The following TNS3 variants were observed in gnomAD, a reference collection of about 807,000 sequenced individuals.
The protein encoded by TNS3 is tensin 3, also known as tensin-3.
TNS3 carries 45 observed loss-of-function variants against 140.9 expected under a neutral mutation model. The ratio of observed to expected loss-of-function variants is 0.32; its 90% CI spans 0.25 to 0.41. The LOEUF is 0.41. TNS3 is among the 10% of genes least tolerant of loss of function. TNS3 has a pLI of 1.00. For synonymous variants in TNS3, 815 were observed against 788.4 expected (o/e 1.03, Z -0.56); for missense variants, 1,716 against 1,906.7 (o/e 0.90, Z 1.86).
chr7:47,376,598 T>C (rs1484135073), intron 16 of TNS3, among the ~76,000 whole-genome samples: 1 of 151,940 alleles, frequency 6.6e-6, no homozygotes, highest in African/African-American at 2.4e-5. Flanking sequence ...ACATTAACGA[T>C]TTTTTTTACA....
intron 2 of TNS3, among the ~76,000 whole-genome samples, chr7:47,526,360 G>A (rs1279986421): frequency 1.3e-5 from 2 of 152,222 alleles, no homozygotes; most frequent in Non-Finnish European, 2.9e-5. Context: ...GTGTGGTGCA[G>A]AGGCTAACCA....
At chr7:47,521,644 C>G (rs936994873) in intron 2 of TNS3, among the ~76,000 whole-genome samples, 5 of 152,198 alleles carry the variant, frequency 3.3e-5, no homozygotes, top group South Asian at 2.1e-4. Context: ...TTCCTGAGGA[C>G]CTGGTGCTTG....
At chr7:47,473,637 G>A (rs1797048283) in intron 4 of TNS3, among the ~76,000 whole-genome samples, 1 of 152,274 alleles carries the variant, frequency 6.6e-6, no homozygotes, top group African/African-American at 2.4e-5. Flanking sequence ...TGGGCCGTGA[G>A]GACAAGAAAT....
At chr7:47,446,592 A>G (rs1160271715) in intron 4 of TNS3, among the ~76,000 whole-genome samples, 1 of 151,996 alleles carries the variant, frequency 6.6e-6, no homozygotes, top group African/African-American at 2.4e-5. Context: ...CAACACCCAA[A>G]TAAGAGAAAG....
intron 20 of TNS3, among the ~76,000 whole-genome samples, chr7:47,306,170 T>C (rs1476437946): frequency 1.3e-5 from 2 of 152,194 alleles, no homozygotes; most frequent in Non-Finnish European, 2.9e-5. Context: ...CAACAGCATA[T>C]GTGATTTCTG....
In TNS3 at chr7:47,389,066, GA is replaced by G. The variant is rs1562674988; in HGVS notation, c.1024+7733del. ...AGAAGAAGAAGAAGAAGAAGAAGAA[GA>G]AGAAGAAGAAGAAGAAGAGGAAGAG... On this transcript the variant is annotated intron_variant, in intron 16 of 30. Transcript: ENST00000311160. 3.9e-4 allele frequency among the ~76,000 whole-genome samples: 30 copies of G among 76,892 alleles called. 4 individuals carry two copies. The highest frequency in any genetic ancestry group is 1.7e-3 in the African/African-American group (27 of 16,338). The allele number at this position is 76,892 out of a possible 152,430, so 50.4% of individuals were successfully genotyped here.
chr7:47,282,291 CT>C (rs1438901740), intron 28 of TNS3, among the ~76,000 whole-genome samples: 2 of 151,740 alleles, frequency 1.3e-5, no homozygotes, highest in Admixed American at 6.6e-5. Context: ...AGCCATGCCC[CT>C]GACCCTGAGT....
chr7:47,362,628 C>T lies in TNS3; in HGVS notation c.2281+5737G>A, dbSNP rs888076983. Among the ~76,000 whole-genome samples the T allele has an allele frequency of 5.3e-5, 8 of 152,158 alleles. No individual in the cohort carries two copies. In the South Asian group the frequency reaches 6.2e-4, roughly 12 times the overall value. ...AGTCAGAGAGACGAGAGCTCTGTTA[C>T]GTGTCCTGGTGAAATGAAGGTACCT... is the stretch of plus-strand genomic sequence containing the variant. On this transcript the variant is annotated intron_variant, in intron 17 of 30. Coordinates refer to ENST00000311160, the MANE Select transcript of TNS3 (RefSeq NM_022748.12).
intron 2 of TNS3, among the ~76,000 whole-genome samples, chr7:47,507,261 G>A (rs1798452238): frequency 6.6e-6 from 1 of 152,158 alleles, no homozygotes; most frequent in Admixed American, 6.5e-5. Flanking sequence ...GGTTTTTCAA[G>A]GGGTATGTAC....
intron 20 of TNS3, 113 bp downstream of exon 20, chr7:47,344,642 A>G (rs1789214126): frequency 3.0e-6 from 3 of 986,624 alleles, no homozygotes; most frequent in Non-Finnish European, 4.5e-6. Flanking sequence ...GGCTTCTGAG[A>G]TACGACACAA....
intron 2 of TNS3, among the ~76,000 whole-genome samples, chr7:47,510,845 G>A (rs1237166247): frequency 1.5e-5 from 2 of 135,212 alleles, no homozygotes; most frequent in South Asian, 2.6e-4. Flanking sequence ...CTGGGTGACA[G>A]AGTAAGACTG....
rs1584761280 is a variant in TNS3, at chr7:47,489,165, C to CAATTAAA, written c.-114-8025_-114-8024insTTTAATT. Reference sequence around the variant, plus strand: ...TCTAATCCCCATGAGAAAACACCCGCCCGGCAGACGCAATTAAACCTTCTC... The same window carrying CAATTAAA: ...TCTAATCCCCATGAGAAAACACCCGCAATTAAACCGGCAGACGCAATTAAACCTTCTC... On this transcript the variant is annotated intron_variant, in intron 3 of 30. Coordinates refer to ENST00000311160, the MANE Select transcript of TNS3 (RefSeq NM_022748.12). Among the ~76,000 whole-genome samples, 3 of 152,284 alleles carry CAATTAAA rather than the reference C, an allele frequency of 2.0e-5. No homozygotes were observed. In the East Asian group the frequency reaches 5.8e-4, roughly 29 times the overall value.
chr7:47,528,421 G>A (rs934330655), intron 2 of TNS3, among the ~76,000 whole-genome samples: 6 of 152,084 alleles, frequency 3.9e-5, no homozygotes, highest in African/African-American at 1.2e-4. Context: ...AGCAGCCCCC[G>A]CACTCTCCAA....
chr7:47,282,928 G>T (rs1320143712), intron 28 of TNS3, among the ~76,000 whole-genome samples: 1 of 152,100 alleles, frequency 6.6e-6, no homozygotes, highest in African/African-American at 2.4e-5. Flanking sequence ...AGGCATGGGG[G>T]CCCTGCTCGG....
At chr7:47,504,950 T>C (rs1160347673) in intron 3 of TNS3, among the ~76,000 whole-genome samples, 1 of 152,146 alleles carries the variant, frequency 6.6e-6, no homozygotes, top group Admixed American at 6.5e-5. Flanking sequence ...AAATTCCATA[T>C]TCAGTGATAG....
intron 16 of TNS3, among the ~76,000 whole-genome samples, chr7:47,388,894 AG>A (rs1792229312): frequency 1.9e-5 from 1 of 52,638 alleles, no homozygotes; most frequent in African/African-American, 6.2e-5. Flanking sequence ...AAAAAGAAGA[AG>A]AAAGAAGAAG....
chr7:47,482,974 G>A (rs1797477119), intron 3 of TNS3, among the ~76,000 whole-genome samples: 1 of 152,106 alleles, frequency 6.6e-6, no homozygotes, highest in Admixed American at 6.5e-5. Flanking sequence ...AAGCTATTCT[G>A]CTTGACACTA....
chr7:47,496,946 G>T (rs2941531), intron 3 of TNS3, among the ~76,000 whole-genome samples: 1 of 152,056 alleles, frequency 6.6e-6, no homozygotes, highest in East Asian at 1.9e-4. Flanking sequence ...TCACAGAGCT[G>T]GCCAGAACCA....
At chr7:47,411,474 C>T (rs899435196) in intron 13 of TNS3, among the ~76,000 whole-genome samples, 1 of 152,184 alleles carries the variant, frequency 6.6e-6, no homozygotes, top group African/African-American at 2.4e-5. Flanking sequence ...CTCATGGCGC[C>T]GCTGATCTGA....
Sources: gnomAD v4.1 joint callset for allele counts (sites outside exome capture counted in the v4.1 genomes callset) on GRCh38, gnomAD v4.1.1 for gene constraint, MANE v1.5 for transcripts, NCBI Gene and HGNC (gene_info 2026-07-23, HGNC 2026-07-21) for gene names.